IFT80: variants seen among roughly 807,000 people sequenced by gnomAD.
IFT80 encodes the protein intraflagellar transport protein 80 homolog.
A neutral mutation model predicts 107.9 loss-of-function variants in IFT80; 79 were observed. The observed-to-expected ratio is 0.73, with a 90% CI of 0.61 to 0.88. The LOEUF (loss-of-function observed/expected upper bound fraction) is 0.88, where lower values mean the gene tolerates loss of function less well. Ranked by LOEUF, IFT80 falls within the 40% of genes least tolerant of loss-of-function variation. The probability of loss-of-function intolerance (pLI) is 0.00; values close to 1 mark genes in which losing one functional copy is unlikely to be tolerated. For synonymous variants in IFT80, 299 were observed against 300.9 expected (o/e 0.99, Z 0.07); for missense variants, 797 against 914.2 (o/e 0.87, Z 1.65).
intron 6 of IFT80, among the ~76,000 whole-genome samples, chr3:160,364,387 C>T (rs554315492): frequency 2.6e-5 from 4 of 152,286 alleles, no homozygotes; most frequent in African/African-American, 9.6e-5. Flanking sequence ...AACAGGAATC[C>T]TTTTACACTG....
chr3:160,395,953 T>C (rs189776829), intron 1 of IFT80, among the ~76,000 whole-genome samples: 2 of 152,232 alleles, frequency 1.3e-5, no homozygotes, highest in African/African-American at 4.8e-5. Flanking sequence ...TTCCTTAATA[T>C]CCTTGGTCTG....
chr3:160,323,078 T>C (rs1181649845), intron 8 of IFT80, among the ~76,000 whole-genome samples: 1 of 151,050 alleles, frequency 6.6e-6, no homozygotes, highest in Admixed American at 6.6e-5. Context: ...TTGTTGCCAT[T>C]GCTTTTGGTG....
chr3:160,267,148 T>C (rs1392153934), intron 19 of IFT80, among the ~76,000 whole-genome samples: 2 of 152,222 alleles, frequency 1.3e-5, no homozygotes, highest in Admixed American at 6.5e-5. Context: ...TGCTAAACTC[T>C]AAGAATGGTC....
chr3:160,306,009 T>A (rs751188626), intron 10 of IFT80, among the ~76,000 whole-genome samples: 3 of 152,168 alleles, frequency 2.0e-5, no homozygotes, highest in Non-Finnish European at 4.4e-5. Context: ...TTTAAAACTT[T>A]ATGAAATATG....
intron 3 of IFT80, 107 bp downstream of exon 3, chr3:160,381,396 T>C (rs1712507623): frequency 3.6e-6 from 3 of 824,106 alleles, no homozygotes; most frequent in Middle Eastern, 3.2e-4. Flanking sequence ...TGGATAAAAA[T>C]ATGCAGATCC....
chr3:160,354,072 C>G (rs1720897295), intron 8 of IFT80, among the ~76,000 whole-genome samples: 1 of 151,862 alleles, frequency 6.6e-6, no homozygotes, highest in Non-Finnish European at 1.5e-5. Context: ...ATTTTATAAA[C>G]TAGGGAGTCA....
chr3:160,313,142 T>C (rs1294686261), intron 9 of IFT80, among the ~76,000 whole-genome samples: 1 of 131,850 alleles, frequency 7.6e-6, no homozygotes, highest in African/African-American at 2.9e-5. Context: ...CAAAAGTATG[T>C]CTCTTCCATG....
chr3:160,356,627 C>T (rs1721111059), intron 7 of IFT80, among the ~76,000 whole-genome samples: 2 of 152,152 alleles, frequency 1.3e-5, no homozygotes, highest in African/African-American at 4.8e-5. Context: ...CTCAAGAGAT[C>T]TTCCTGCTTT....
intron 18 of IFT80, among the ~76,000 whole-genome samples, chr3:160,275,849 AC>A (rs1714223315): frequency 6.6e-6 from 1 of 152,182 alleles, no homozygotes; most frequent in Non-Finnish European, 1.5e-5. Flanking sequence ...CACTGTCTAA[AC>A]TAGTTACCTT....
At position 160,308,583 on chromosome 3, in the gene IFT80, T is replaced by A. The variant is rs1405521512; in HGVS notation, c.958-802A>T. Among the ~76,000 whole-genome samples, 5 of 152,254 alleles carry A rather than the reference T, an allele frequency of 3.3e-5. No homozygotes were observed. In the East Asian group the frequency reaches 5.8e-4, roughly 18 times the overall value. ...AGAGGAAAAATATAGGGGAAAAAAG[T>A]AATTATACCTAGAAATTAGTACTGC... is the stretch of plus-strand genomic sequence containing the variant. On this transcript the variant is annotated intron_variant, in intron 9 of 19. Coordinates refer to ENST00000326448, the MANE Select transcript of IFT80 (RefSeq NM_020800.3).
At chr3:160,322,213 G>C (rs1259926676) in intron 8 of IFT80, among the ~76,000 whole-genome samples, 1 of 121,070 alleles carries the variant, frequency 8.3e-6, no homozygotes, top group Non-Finnish European at 1.6e-5. Context: ...AGTCCCCAGA[G>C]TGTGATGTTC....
intron 5 of IFT80, among the ~76,000 whole-genome samples, chr3:160,374,057 G>T (rs960248494): frequency 1.2e-4 from 19 of 152,152 alleles, no homozygotes; most frequent in Admixed American, 1.2e-3. Flanking sequence ...CTGAAATGGT[G>T]AATCCACAGG....
intron 9 of IFT80, among the ~76,000 whole-genome samples, chr3:160,308,170 T>C (rs190722105): frequency 2.8e-4 from 42 of 152,276 alleles, no homozygotes; most frequent in Admixed American, 2.5e-3. Context: ...CTCTTTTTGG[T>C]GTTAGATTTT....
chr3:160,325,252 A>C (rs1475871824), intron 8 of IFT80, among the ~76,000 whole-genome samples: 1 of 152,114 alleles, frequency 6.6e-6, no homozygotes, highest in Non-Finnish European at 1.5e-5. Flanking sequence ...GCTACCAATG[A>C]CTTTCTTCAC....
chr3:160,366,589 T>C (rs898300224), intron 5 of IFT80, among the ~76,000 whole-genome samples: 1 of 152,116 alleles, frequency 6.6e-6, no homozygotes, highest in Admixed American at 6.6e-5. Context: ...TTGCAACTAG[T>C]TCAACAAATG....
chr3:160,280,940 T>G, intron 14 of IFT80, 126 bp from the exon 15 acceptor site: 1 of 795,944 alleles, frequency 1.3e-6, no homozygotes. Flanking sequence ...ACTTTCTGAT[T>G]CTATAATGGT....
chr3:160,398,676 TC>T (rs1714075501), intron 1 of IFT80, among the ~76,000 whole-genome samples: 1 of 152,158 alleles, frequency 6.6e-6, no homozygotes, highest in Non-Finnish European at 1.5e-5. Context: ...AACTAAGTTC[TC>T]GGGGAACAGG....
At chr3:160,258,728 G>A in intron 19 of IFT80, 93 bp from the exon 20 acceptor site, 3 of 1,422,382 alleles carry the variant, frequency 2.1e-6, no homozygotes, top group Non-Finnish European at 2.9e-6. Flanking sequence ...GATAGACTGT[G>A]TGACTTCCAA....
intron 8 of IFT80, among the ~76,000 whole-genome samples, chr3:160,342,093 T>G (rs543170960): frequency 6.6e-6 from 1 of 152,232 alleles, no homozygotes; most frequent in African/African-American, 2.4e-5. Context: ...ATCAACACAC[T>G]AATACTTATA....
Sources: gnomAD v4.1 joint callset for allele counts (sites outside exome capture counted in the v4.1 genomes callset) on GRCh38, gnomAD v4.1.1 for gene constraint, MANE v1.5 for transcripts, NCBI Gene and HGNC (gene_info 2026-07-23, HGNC 2026-07-21) for gene names.